The following LRRTM4 variants were observed in gnomAD, a reference collection of about 807,000 sequenced individuals.
The protein encoded by LRRTM4 is leucine-rich repeat transmembrane neuronal protein 4.
In LRRTM4, 25 loss-of-function variants were observed where a neutral mutation model predicts 47.6. The observed-to-expected ratio is 0.53, with a 90% confidence interval of 0.38 to 0.73. LRRTM4 has a LOEUF of 0.73. LRRTM4 is among the 30% of genes least tolerant of loss of function. The pLI is 0.00. For missense variants in LRRTM4, 638 were observed against 713.4 expected (o/e 0.89, Z 1.20); for synonymous variants, 311 against 269.5 (o/e 1.15, Z -1.51).
In LRRTM4 at chr2:77,518,608, A is replaced by G. The variant is rs1348309577; in HGVS notation, c.1261T>C (p.Ser421Pro). 3 of 1,613,382 alleles carry G rather than the reference A, an allele frequency of 1.9e-6. No homozygotes were observed. The highest frequency in any genetic ancestry group is 1.1e-5 in the South Asian group (1 of 91,074). Residue 421 changes from serine (S) to proline (P), a missense_variant, in exon 3 of 4, where the codon TCA (serine) becomes CCA (proline). Physicochemically the swap from Ser to Pro is moderately conservative, Grantham distance 74. Coordinates refer to ENST00000409884, the MANE Select transcript of LRRTM4 (RefSeq NM_001134745.3). ...CTCCCGGCAATAATTTTGTGAAATG[A>G]AACATGCTCATACTCTTGCTCTGCG... ...PGAEQEYEHVSFHKIIAGSVA... is the reference protein window; with the variant it reads ...PGAEQEYEHVPFHKIIAGSVA...
At chr2:77,118,059 A>C (rs1484713099) in intron 3 of LRRTM4, among the ~76,000 whole-genome samples, 1 of 151,924 alleles carries the variant, frequency 6.6e-6, no homozygotes, top group Non-Finnish European at 1.5e-5. Flanking sequence ...ATGCTATAAC[A>C]AGAATTAAAT....
At chr2:77,428,326 C>G (rs1675208039) in intron 3 of LRRTM4, among the ~76,000 whole-genome samples, 1 of 152,142 alleles carries the variant, frequency 6.6e-6, no homozygotes, top group African/African-American at 2.4e-5. Flanking sequence ...ACCACATCAA[C>G]AGTAGAGACA....
chr2:77,037,755 C>T (rs1168067159), intron 3 of LRRTM4, among the ~76,000 whole-genome samples: 1 of 151,680 alleles, frequency 6.6e-6, no homozygotes, highest in Non-Finnish European at 1.5e-5. Flanking sequence ...TATTTGTTTT[C>T]AGCTTGGAAC....
At chr2:77,055,753 T>A (rs1475370687) in intron 3 of LRRTM4, among the ~76,000 whole-genome samples, 1 of 151,786 alleles carries the variant, frequency 6.6e-6, no homozygotes, top group Admixed American at 6.6e-5. Flanking sequence ...ATGTTTATTG[T>A]GGCACTATTC....
intron 3 of LRRTM4, among the ~76,000 whole-genome samples, chr2:77,516,178 A>G (rs577823290): frequency 4.6e-5 from 7 of 151,888 alleles, no homozygotes; most frequent in Non-Finnish European, 8.8e-5. Context: ...TACATTCTTC[A>G]TTACTTAATG....
chr2:77,022,036 C>T (rs1479030423), intron 3 of LRRTM4, among the ~76,000 whole-genome samples: 1 of 152,118 alleles, frequency 6.6e-6, no homozygotes, highest in Non-Finnish European at 1.5e-5. Context: ...CTGATAAAGA[C>T]ATACCCGAGA....
chr2:77,122,946 A>G (rs1304190744), intron 3 of LRRTM4, among the ~76,000 whole-genome samples: 1 of 151,948 alleles, frequency 6.6e-6, no homozygotes, highest in African/African-American at 2.4e-5. Context: ...CAAGTTTTAC[A>G]CATATCTCCT....
At chr2:77,146,494 A>C (rs766678843) in intron 3 of LRRTM4, among the ~76,000 whole-genome samples, 1 of 152,206 alleles carries the variant, frequency 6.6e-6, no homozygotes, top group Non-Finnish European at 1.5e-5. Flanking sequence ...CTATAAAGAA[A>C]TCTATGAAAC....
intron 3 of LRRTM4, among the ~76,000 whole-genome samples, chr2:77,336,202 A>C (rs1671160386): frequency 6.7e-6 from 1 of 150,288 alleles, no homozygotes; most frequent in Non-Finnish European, 1.5e-5. Context: ...GAAGGAAGGA[A>C]AGAAGGAAGG....
At chr2:77,024,365 T>C (rs1678377150) in intron 3 of LRRTM4, among the ~76,000 whole-genome samples, 1 of 152,178 alleles carries the variant, frequency 6.6e-6, no homozygotes, top group South Asian at 2.1e-4. Context: ...GCTTATTTCC[T>C]TTAGCATAAT....
At chr2:76,827,370 C>A (rs142139153) in intron 3 of LRRTM4, among the ~76,000 whole-genome samples, 4 of 151,786 alleles carry the variant, frequency 2.6e-5, no homozygotes, top group African/African-American at 9.6e-5. Flanking sequence ...AGACAAATTT[C>A]CTAATGGTTG....
At chr2:77,301,749 T>C (rs1023518674) in intron 3 of LRRTM4, among the ~76,000 whole-genome samples, 1 of 152,166 alleles carries the variant, frequency 6.6e-6, no homozygotes, top group African/African-American at 2.4e-5. Context: ...TTTTTGCTAA[T>C]AGAGCTGCAA....
intron 3 of LRRTM4, among the ~76,000 whole-genome samples, chr2:76,909,122 C>A (rs1181146200): frequency 1.3e-5 from 2 of 152,294 alleles, no homozygotes; most frequent in South Asian, 4.1e-4. Context: ...ACCAAAACAG[C>A]ATGGCACTGG....
intron 3 of LRRTM4, among the ~76,000 whole-genome samples, chr2:76,850,190 T>C (rs1420383136): frequency 1.3e-5 from 2 of 152,224 alleles, no homozygotes; most frequent in Non-Finnish European, 2.9e-5. Context: ...TTTTTTCTGC[T>C]GTCCATACGG....
At chr2:77,295,999 C>T (rs1467649072) in intron 3 of LRRTM4, among the ~76,000 whole-genome samples, 1 of 152,072 alleles carries the variant, frequency 6.6e-6, no homozygotes, top group East Asian at 1.9e-4. Flanking sequence ...TTCCAGTGCT[C>T]TTATTGTTTT....
intron 3 of LRRTM4, among the ~76,000 whole-genome samples, chr2:77,277,411 C>A (rs1475392981): frequency 6.6e-6 from 1 of 151,896 alleles, no homozygotes; most frequent in Non-Finnish European, 1.5e-5. Flanking sequence ...AAAATTTATA[C>A]TATAGAGTTA....
At chr2:76,881,209 A>T (rs1573249968) in intron 3 of LRRTM4, among the ~76,000 whole-genome samples, 1 of 152,188 alleles carries the variant, frequency 6.6e-6, no homozygotes. Context: ...TACAGTTATC[A>T]TGTGTCAAAT....
chr2:77,459,610 A>G (rs888818036), intron 3 of LRRTM4, among the ~76,000 whole-genome samples: 2 of 142,662 alleles, frequency 1.4e-5, no homozygotes, highest in African/African-American at 2.5e-5. Flanking sequence ...TGACACTTAT[A>G]TAAACAGTTT....
chr2:76,942,705 T>TGTGTGTGTG, intron 3 of LRRTM4, among the ~76,000 whole-genome samples: 1 of 151,770 alleles, frequency 6.6e-6, no homozygotes, highest in Admixed American at 6.6e-5. Flanking sequence ...TGTGTGTGTG[T>TGTGTGTGTG]TTAAATCTGT....
Sources: gnomAD v4.1 joint callset for allele counts (sites outside exome capture counted in the v4.1 genomes callset) on GRCh38, gnomAD v4.1.1 for gene constraint, MANE v1.5 for transcripts, NCBI Gene and HGNC (gene_info 2026-07-23, HGNC 2026-07-21) for gene names.